Variants in PIK3C2G observed in about 807,000 individuals in gnomAD.
The protein encoded by PIK3C2G is phosphatidylinositol 3-kinase C2 domain-containing subunit gamma.
Under a neutral mutation model 181.1 loss-of-function variants are expected in PIK3C2G, and 168 were observed. The observed-to-expected ratio is 0.93, with a 90% confidence interval of 0.82 to 1.05. The LOEUF is 1.05. Ranked by LOEUF, PIK3C2G falls within the 50% of genes least tolerant of loss-of-function variation. The pLI, the probability that PIK3C2G is intolerant of heterozygous loss-of-function variation, is 0.00. For missense variants in PIK3C2G, 1,869 were observed against 1,732.8 expected (o/e 1.08, Z -1.40); for synonymous variants, 573 against 592.2 (o/e 0.97, Z 0.47).
At chr12:18,408,470 G>A (rs1342086750) in intron 16 of PIK3C2G, among the ~76,000 whole-genome samples, 1 of 152,086 alleles carries the variant, frequency 6.6e-6, no homozygotes, top group Non-Finnish European at 1.5e-5. Context: ...TGGAAGCCTT[G>A]TAGTATAGTT....
At chr12:18,674,868 T>C in the PIK3C2G span, among the ~76,000 whole-genome samples, 2 of 152,124 alleles carry the variant, frequency 1.3e-5, no homozygotes, top group Admixed American at 6.6e-5. Flanking sequence ...TCCACCAGCC[T>C]GTGAAGAACC....
intron 18 of PIK3C2G, among the ~76,000 whole-genome samples, chr12:18,438,638 T>A (rs1362073963): frequency 1.3e-5 from 2 of 151,914 alleles, no homozygotes; most frequent in African/African-American, 4.8e-5. Flanking sequence ...CAACATTTGA[T>A]CCTGTGCCTC....
the PIK3C2G span, among the ~76,000 whole-genome samples, chr12:18,708,112 T>C: frequency 6.6e-6 from 1 of 152,214 alleles, no homozygotes; most frequent in Non-Finnish European, 1.5e-5. Context: ...ATGTCTAGAC[T>C]TTTTCATCCT....
chr12:18,414,513 C>A (rs536890498), intron 16 of PIK3C2G, among the ~76,000 whole-genome samples: 1 of 151,916 alleles, frequency 6.6e-6, no homozygotes, highest in Non-Finnish European at 1.5e-5. Flanking sequence ...TTTCATTAAA[C>A]TTTTTTACTA....
At chr12:18,388,129 T>C (rs760851243) in intron 14 of PIK3C2G, among the ~76,000 whole-genome samples, 1 of 152,100 alleles carries the variant, frequency 6.6e-6, no homozygotes, top group Non-Finnish European at 1.5e-5. Flanking sequence ...TTTTTTTTTC[T>C]CACTCCAAAA....
intron 18 of PIK3C2G, among the ~76,000 whole-genome samples, chr12:18,479,626 T>G (rs891181566): frequency 6.6e-6 from 1 of 152,186 alleles, no homozygotes; most frequent in African/African-American, 2.4e-5. Context: ...GCCCCGGAAC[T>G]GGAAGGCAGC....
At chr12:18,269,855 T>A (rs766289692) in intron 1 of PIK3C2G, among the ~76,000 whole-genome samples, 8 of 151,994 alleles carry the variant, frequency 5.3e-5, no homozygotes, top group Non-Finnish European at 5.9e-5. Context: ...TATAAAATGA[T>A]GTGGCTACTA....
At chr12:18,272,358 A>G (rs948845856) in intron 1 of PIK3C2G, among the ~76,000 whole-genome samples, 2 of 152,098 alleles carry the variant, frequency 1.3e-5, no homozygotes, top group African/African-American at 2.4e-5. Context: ...TTTTGGCAAG[A>G]CTTCTTCATG....
chr12:18,552,256 T>C (rs566471399), intron 26 of PIK3C2G, among the ~76,000 whole-genome samples: 1 of 152,296 alleles, frequency 6.6e-6, no homozygotes, highest in East Asian at 1.9e-4. Context: ...CATTTATTTC[T>C]CACGGCTAGG....
intron 18 of PIK3C2G, among the ~76,000 whole-genome samples, chr12:18,439,732 T>C (rs534642706): frequency 2.6e-4 from 40 of 152,256 alleles, no homozygotes; most frequent in African/African-American, 9.6e-4. Flanking sequence ...TATGTTTTTT[T>C]ACTCTGTCTG....
At chr12:18,620,888 A>G (rs1393009380) in intron 31 of PIK3C2G, among the ~76,000 whole-genome samples, 2 of 152,078 alleles carry the variant, frequency 1.3e-5, no homozygotes, top group African/African-American at 4.8e-5. Context: ...GCATACCTAT[A>G]TATTTCTTTA....
intron 12 of PIK3C2G, among the ~76,000 whole-genome samples, chr12:18,369,480 G>A (rs899995813): frequency 1.4e-5 from 2 of 143,546 alleles, no homozygotes; most frequent in Non-Finnish European, 1.5e-5. Flanking sequence ...TATAACGATC[G>A]TATAATTGAC....
intron 12 of PIK3C2G, among the ~76,000 whole-genome samples, chr12:18,366,399 G>A (rs1026117460): frequency 7.9e-5 from 12 of 152,074 alleles, no homozygotes; most frequent in South Asian, 4.1e-4. Flanking sequence ...CAGGCGTGGT[G>A]GCCTGTACCT....
intron 6 of PIK3C2G, among the ~76,000 whole-genome samples, chr12:18,319,572 A>C (rs929617997): frequency 2.0e-5 from 3 of 152,190 alleles, no homozygotes; most frequent in Non-Finnish European, 4.4e-5. Flanking sequence ...AGCAAAAGGT[A>C]CTATGACTAA....
chr12:18,466,228 T>G (rs1052122032), intron 18 of PIK3C2G, among the ~76,000 whole-genome samples: 1 of 148,656 alleles, frequency 6.7e-6, no homozygotes, highest in Non-Finnish European at 1.5e-5. Context: ...CCCCCTTACT[T>G]CTTTAAAAAG....
intron 31 of PIK3C2G, among the ~76,000 whole-genome samples, chr12:18,627,222 G>A (rs147870643): frequency 1.5e-4 from 22 of 151,086 alleles, no homozygotes; most frequent in African/African-American, 5.1e-4. Context: ...TTATTTTTGG[G>A]GTTTTAAAAT....
At chr12:18,603,410 T>C (rs1257188214) in intron 30 of PIK3C2G, among the ~76,000 whole-genome samples, 1 of 152,116 alleles carries the variant, frequency 6.6e-6, no homozygotes, top group East Asian at 1.9e-4. Context: ...TCGGTGTTTC[T>C]TAGGAAGAAG....
chr12:18,405,806 G>T (rs1032402217), intron 16 of PIK3C2G, among the ~76,000 whole-genome samples: 3 of 151,976 alleles, frequency 2.0e-5, no homozygotes, highest in Non-Finnish European at 2.9e-5. Context: ...ATAATCTTTT[G>T]ATCTATATAT....
intron 26 of PIK3C2G, 23 bp from the exon 27 acceptor site, chr12:18,562,676 ACTAT>A (rs1395693509): frequency 1.5e-6 from 2 of 1,365,598 alleles, no homozygotes; most frequent in African/African-American, 1.4e-5. Flanking sequence ...AGTGTCACTC[ACTAT>A]CTTTTCTTTT....
Sources: gnomAD v4.1 joint callset for allele counts (sites outside exome capture counted in the v4.1 genomes callset) on GRCh38, gnomAD v4.1.1 for gene constraint, MANE v1.5 for transcripts, NCBI Gene and HGNC (gene_info 2026-07-23, HGNC 2026-07-21) for gene names.